Variants in RAB11FIP2 observed in about 807,000 individuals in gnomAD.
RAB11FIP2 encodes the protein RAB11 family interacting protein 2.
A neutral mutation model predicts 40.9 loss-of-function variants in RAB11FIP2; 16 were observed. That is an observed-to-expected ratio of 0.39 (90% CI 0.26 to 0.59). The LOEUF (loss-of-function observed/expected upper bound fraction) is 0.59. Ranked by LOEUF, RAB11FIP2 falls within the 20% of genes least tolerant of loss-of-function variation. The pLI is 0.53. For synonymous variants in RAB11FIP2, 228 were observed against 213.7 expected, an observed-to-expected ratio of 1.07 and a Z score of -0.58; for missense variants, 532 against 606.2, an observed-to-expected ratio of 0.88 and a Z score of 1.28.
intron 3 of RAB11FIP2, among the ~76,000 whole-genome samples, chr10:118,036,263 T>A (rs1453230543): frequency 6.6e-6 from 1 of 152,014 alleles, no homozygotes; most frequent in Non-Finnish European, 1.5e-5. Flanking sequence ...CCCTTAACCT[T>A]GTTCAGCATT....
intron 2 of RAB11FIP2, chr10:118,039,880 C>A: frequency 2.3e-6 from 1 of 439,950 alleles, no homozygotes; most frequent in African/African-American, 2.0e-5. Flanking sequence ...GGCAGCCAAG[C>A]CATAAAAGGA....
At position 118,046,270 on chromosome 10, in the gene RAB11FIP2, A is replaced by G; in HGVS notation, c.-107T>C. The G allele has an allele frequency of 1.0e-6, 1 of 987,224 alleles. No individual in the cohort carries two copies. Among genetic ancestry groups the G allele is most frequent in the Non-Finnish European group, 1.5e-6 (1 of 654,916 alleles). The allele number at this position is 987,224 out of a possible 1,614,324, so 61.2% of individuals were successfully genotyped here. A position where few individuals can be genotyped will look rare whatever the true frequency, so the allele number is the denominator to read the frequency against. ...CATCCTAAGGACACTTAACGGAAAC[A>G]GGCAGGCTCAGGGCTCCCCGACTTC... On this transcript the variant is annotated 5_prime_UTR_variant, in exon 1 of 5. Transcript: ENST00000355624.
chr10:118,039,497 G>A, intron 2 of RAB11FIP2, 57 bp from the exon 3 acceptor site: 2 of 1,413,280 alleles, frequency 1.4e-6, no homozygotes, highest in Non-Finnish European at 2.0e-6. Context: ...CACACTATTT[G>A]ACACAGTCTG....
In RAB11FIP2 at chr10:118,035,511, G is replaced by A. The variant is rs777449640; in HGVS notation, c.1265+3461C>T. Among the ~76,000 whole-genome samples, 11 of 152,286 alleles carry A rather than the reference G, an allele frequency of 7.2e-5. 1 individual carries two copies. The highest frequency in any genetic ancestry group is 1.3e-4 in the Non-Finnish European group (9 of 68,008). ...GCTGGAAGTAGGAGGCTAACGGAAT[G>A]AGAGTAGCATTTCAGGAAACTGCTA... is the stretch of plus-strand genomic sequence containing the variant. On this transcript the variant is annotated intron_variant, in intron 3 of 4. Coordinates refer to ENST00000355624, the MANE Select transcript of RAB11FIP2 (RefSeq NM_014904.3).
At chr10:118,037,467 T>G (rs1444663537) in intron 3 of RAB11FIP2, among the ~76,000 whole-genome samples, 2 of 152,120 alleles carry the variant, frequency 1.3e-5, no homozygotes, top group Non-Finnish European at 2.9e-5. Context: ...AATACTCTAT[T>G]TGCTGTTTCT....
intron 4 of RAB11FIP2, among the ~76,000 whole-genome samples, chr10:118,010,908 G>A (rs779872264): frequency 1.3e-5 from 2 of 151,952 alleles, no homozygotes; most frequent in Non-Finnish European, 1.5e-5. Context: ...ACAGGACAGC[G>A]AGCAGACAGG....
intron 3 of RAB11FIP2, among the ~76,000 whole-genome samples, chr10:118,017,184 G>A (rs942820170): frequency 2.6e-5 from 4 of 152,074 alleles, no homozygotes; most frequent in Admixed American, 6.5e-5. Flanking sequence ...TCTAGACTGC[G>A]TCCTCCTATG....
At chr10:118,044,714 T>C (rs1415084909) in intron 1 of RAB11FIP2, among the ~76,000 whole-genome samples, 7 of 152,036 alleles carry the variant, frequency 4.6e-5, no homozygotes, top group African/African-American at 1.7e-4. Context: ...AGTAGAAATG[T>C]ACAGAAAAGA....
chr10:118,023,584 C>A (rs1240505322), intron 3 of RAB11FIP2, among the ~76,000 whole-genome samples: 1 of 152,082 alleles, frequency 6.6e-6, no homozygotes, highest in African/African-American at 2.4e-5. Flanking sequence ...CATGGGGTAT[C>A]TTTTATGAGC....
At position 118,008,830 on chromosome 10, in the gene RAB11FIP2, AC is replaced by A. The variant is rs1416786401; in HGVS notation, c.*167del. On this transcript the variant is annotated 3_prime_UTR_variant, in exon 5 of 5. Transcript: ENST00000355624. Reference sequence around the variant, plus strand: ...AATGATTTAGCTTGCTTCAAAGGTCACTCTTGATAGTCCCTGCTAATATTTA... The same window carrying A: ...AATGATTTAGCTTGCTTCAAAGGTCATCTTGATAGTCCCTGCTAATATTTA... 8.1e-6 allele frequency: 5 copies of A among 617,204 alleles called. No homozygotes were observed. Among genetic ancestry groups the A allele is most frequent in the African/African-American group, 1.9e-5 (1 of 54,010 alleles). 38.2% of individuals were successfully genotyped at this position (617,204 alleles called of 1,614,324 possible).
At chr10:118,012,916 G>A (rs1246328751) in intron 4 of RAB11FIP2, among the ~76,000 whole-genome samples, 1 of 151,974 alleles carries the variant, frequency 6.6e-6, no homozygotes, top group African/African-American at 2.4e-5. Context: ...TGTTAAAAAT[G>A]TCCATATGCA....
chr10:118,004,924 A>G lies in RAB11FIP2; in HGVS notation c.*4074T>C, dbSNP rs1264168707. On this transcript the variant is annotated 3_prime_UTR_variant, in exon 5 of 5. Transcript: ENST00000355624. ...AAATGTTGACAACTGAATTAAGTTT[A>G]AACACTTTAATCAACTATAAGTCAA... 2 of 152,656 alleles carry G rather than the reference A, an allele frequency of 1.3e-5. No individual in the cohort carries two copies. The highest frequency in any genetic ancestry group is 4.8e-5 in the African/African-American group (2 of 41,466). The allele number at this position is 152,656 out of a possible 1,614,324, so 9.5% of individuals were successfully genotyped here.
chr10:118,031,876 T>TG (rs1207369333), intron 3 of RAB11FIP2, among the ~76,000 whole-genome samples: 1 of 151,986 alleles, frequency 6.6e-6, no homozygotes, highest in Non-Finnish European at 1.5e-5. Flanking sequence ...AATAATGGAG[T>TG]GAAAGCATGT....
chr10:118,045,778 T>G, intron 1 of RAB11FIP2, 33 bp downstream of exon 1: 1 of 1,482,748 alleles, frequency 6.7e-7, no homozygotes, highest in Non-Finnish European at 9.1e-7. Flanking sequence ...AGATATAAAC[T>G]CCCCCAAATT....
intron 4 of RAB11FIP2, among the ~76,000 whole-genome samples, chr10:118,014,127 T>G (rs1362687780): frequency 6.6e-6 from 1 of 152,100 alleles, no homozygotes; most frequent in Non-Finnish European, 1.5e-5. Flanking sequence ...ATTTTAAAGA[T>G]AAACAACTGC....
Position 118,005,087 on chromosome 10 carries a change from GAAGAT to G in RAB11FIP2, c.*3906_*3910del, listed in dbSNP as rs995813863. Reference sequence around the variant, plus strand: ...ACAAGTTATGAGAGCATTTACTTAAGAAGATAAGTGTTATACTCTTCAGTTATAAA... The same window carrying G: ...ACAAGTTATGAGAGCATTTACTTAAGAAGTGTTATACTCTTCAGTTATAAA... On this transcript the variant is annotated 3_prime_UTR_variant, in exon 5 of 5. Coordinates refer to ENST00000355624, the MANE Select transcript of RAB11FIP2 (RefSeq NM_014904.3). 1 of 152,540 alleles carries G rather than the reference GAAGAT, an allele frequency of 6.6e-6. No individual in the cohort carries two copies. The highest frequency in any genetic ancestry group is 2.4e-5 in the African/African-American group (1 of 41,410). 9.4% of individuals were successfully genotyped at this position (152,540 alleles called of 1,614,324 possible).
Position 118,035,869 on chromosome 10 carries a change from A to G in RAB11FIP2, c.1265+3103T>C, listed in dbSNP as rs140266334. ...AAATAGGGGCATGTAAGAGACTGCA[A>G]ATTAGTAACTTCGGGGAAAAGTGTT... On this transcript the variant is annotated intron_variant, in intron 3 of 4. Coordinates refer to ENST00000355624, the MANE Select transcript of RAB11FIP2 (RefSeq NM_014904.3). 3.2e-4 allele frequency among the ~76,000 whole-genome samples: 49 copies of G among 152,242 alleles called. 1 individual carries two copies. The East Asian group carries it at 8.9e-3, about 28-fold the overall frequency.
chr10:118,031,652 T>C (rs1192487073), intron 3 of RAB11FIP2, among the ~76,000 whole-genome samples: 3 of 152,284 alleles, frequency 2.0e-5, no homozygotes, highest in African/African-American at 7.2e-5. Flanking sequence ...GCATCTTAGA[T>C]ACTATTTCTG....
intron 4 of RAB11FIP2, among the ~76,000 whole-genome samples, 200 bp from the exon 5 acceptor site, chr10:118,009,425 TA>T (rs1846131480): frequency 6.6e-6 from 1 of 152,186 alleles, no homozygotes; most frequent in Admixed American, 6.6e-5. Flanking sequence ...AAGTTTTGAC[TA>T]TAACTCTAAA....
Sources: gnomAD v4.1 joint callset for allele counts (sites outside exome capture counted in the v4.1 genomes callset) on GRCh38, gnomAD v4.1.1 for gene constraint, MANE v1.5 for transcripts, NCBI Gene and HGNC (gene_info 2026-07-23, HGNC 2026-07-21) for gene names.